RANBP2: variants seen among roughly 807,000 people sequenced by gnomAD.
The protein encoded by RANBP2 is RAN binding protein 2, also known as E3 SUMO-protein ligase RanBP2.
A neutral mutation model predicts 303.6 loss-of-function variants in RANBP2; 57 were observed. The ratio of observed to expected loss-of-function variants is 0.19; its 90% CI spans 0.15 to 0.23. The LOEUF (loss-of-function observed/expected upper bound fraction) is 0.23. Among genes scored for constraint, RANBP2 ranks in the 10% least tolerant of loss-of-function variants. The probability of loss-of-function intolerance (pLI) is 1.00; values close to 1 mark genes in which losing one functional copy is unlikely to be tolerated. For missense variants in RANBP2, 3,138 were observed against 3,780.8 expected (o/e 0.83, Z 4.46); for synonymous variants, 1,167 against 1,301.5 (o/e 0.90, Z 2.23).
At chr2:108,851,951 G>A in the RANBP2 span, among the ~76,000 whole-genome samples, 1 of 152,138 alleles carries the variant, frequency 6.6e-6, no homozygotes, top group Non-Finnish European at 1.5e-5. Context: ...GATACAATCT[G>A]CATTTGACAG....
At chr2:109,135,149 C>A in the RANBP2 span, among the ~76,000 whole-genome samples, 1 of 152,220 alleles carries the variant, frequency 6.6e-6, no homozygotes. Flanking sequence ...GGGTTTCTTC[C>A]CCTTGTACTT....
At chr2:108,888,263 T>G in the RANBP2 span, among the ~76,000 whole-genome samples, 1 of 152,184 alleles carries the variant, frequency 6.6e-6, no homozygotes, top group Non-Finnish European at 1.5e-5. Context: ...GGATTTGGTT[T>G]GCTTGTATTT....
chr2:109,229,413 GA>G, the RANBP2 span, among the ~76,000 whole-genome samples: 9 of 152,122 alleles, frequency 5.9e-5, no homozygotes, highest in African/African-American at 4.8e-5. Context: ...TCTGTCCCAG[GA>G]TCCCATACTG....
chr2:109,490,639 C>A, the RANBP2 span: 9 of 1,492,082 alleles, frequency 6.0e-6, no homozygotes, highest in Non-Finnish European at 8.0e-6. Context: ...AAGCTTCTAG[C>A]CGGAGCATCC....
the RANBP2 span, among the ~76,000 whole-genome samples, chr2:108,831,555 T>A: frequency 1.3e-5 from 2 of 152,222 alleles, no homozygotes; most frequent in South Asian, 4.1e-4. Context: ...GTGTTTGCTG[T>A]GAAGAAACTG....
At chr2:109,404,919 C>T in the RANBP2 span, among the ~76,000 whole-genome samples, 1 of 152,156 alleles carries the variant, frequency 6.6e-6, no homozygotes, top group South Asian at 2.1e-4. Context: ...AACCTGTCCC[C>T]TTTGATCTGT....
At chr2:109,678,547 A>T in the RANBP2 span, among the ~76,000 whole-genome samples, 1 of 152,328 alleles carries the variant, frequency 6.6e-6, no homozygotes, top group East Asian at 1.9e-4. Context: ...CAGAAAGAAC[A>T]TTTGGATTCA....
chr2:109,321,234 C>T, the RANBP2 span, among the ~76,000 whole-genome samples: 2 of 152,214 alleles, frequency 1.3e-5, no homozygotes, highest in South Asian at 2.1e-4. Flanking sequence ...CTTATATCCT[C>T]GGATTCACTT....
At chr2:109,481,486 C>T in the RANBP2 span, among the ~76,000 whole-genome samples, 2 of 152,296 alleles carry the variant, frequency 1.3e-5, no homozygotes, top group Admixed American at 1.3e-4. Context: ...TATTTCAGGA[C>T]TTGGAGAACC....
chr2:108,761,147 C>CA (rs1676705301), intron 18 of RANBP2, among the ~76,000 whole-genome samples: 1 of 148,310 alleles, frequency 6.7e-6, no homozygotes, highest in Admixed American at 6.8e-5. Context: ...TTTTTGCTTT[C>CA]ATGCAGACAG....
the RANBP2 span, among the ~76,000 whole-genome samples, chr2:109,286,941 A>T: frequency 4.6e-5 from 7 of 152,266 alleles, no homozygotes; most frequent in East Asian, 1.4e-3. Context: ...GCATTTGTGG[A>T]CCCTGCCCAG....
the RANBP2 span, chr2:109,593,019 C>CTATTTA: frequency 7.0e-6 from 10 of 1,430,320 alleles, no homozygotes; most frequent in Non-Finnish European, 9.5e-6. Flanking sequence ...ATTTAGAGTA[C>CTATTTA]AATATGGTAT....
the RANBP2 span, among the ~76,000 whole-genome samples, chr2:108,960,921 C>T: frequency 6.6e-6 from 1 of 152,202 alleles, no homozygotes; most frequent in Admixed American, 6.5e-5. Flanking sequence ...GCTGGACATT[C>T]GACTTTATTT....
At chr2:109,238,974 G>T in the RANBP2 span, among the ~76,000 whole-genome samples, 1 of 152,168 alleles carries the variant, frequency 6.6e-6, no homozygotes, top group Non-Finnish European at 1.5e-5. Context: ...TCTGCCTCCA[G>T]TTCTTTCTGT....
chr2:109,357,058 A>G, the RANBP2 span, among the ~76,000 whole-genome samples: 1 of 151,600 alleles, frequency 6.6e-6, no homozygotes, highest in Non-Finnish European at 1.5e-5. Flanking sequence ...TACCTTTTTA[A>G]AATTTTTTTT....
At chr2:108,916,250 A>G in the RANBP2 span, among the ~76,000 whole-genome samples, 40 of 152,232 alleles carry the variant, frequency 2.6e-4, no homozygotes, top group Admixed American at 1.9e-3. Context: ...TGTCAGAGCA[A>G]AAGAACAGCC....
At chr2:108,834,587 A>G in the RANBP2 span, among the ~76,000 whole-genome samples, 3 of 152,208 alleles carry the variant, frequency 2.0e-5, no homozygotes, top group African/African-American at 7.2e-5. Context: ...ATTTTGTTTC[A>G]TTGTGGTAAA....
At chr2:109,315,590 T>G in the RANBP2 span, among the ~76,000 whole-genome samples, 1 of 152,374 alleles carries the variant, frequency 6.6e-6, no homozygotes, top group South Asian at 2.1e-4. Context: ...TGTGCAGAAC[T>G]TTCAGAAACT....
the RANBP2 span, among the ~76,000 whole-genome samples, chr2:109,081,825 A>G: frequency 6.6e-6 from 1 of 152,200 alleles, no homozygotes; most frequent in African/African-American, 2.4e-5. Flanking sequence ...TTGCAGAAAC[A>G]CATCCTTGCT....
Sources: allele counts gnomAD v4.1 joint callset (sites outside exome capture counted in the v4.1 genomes callset), GRCh38; gene constraint gnomAD v4.1.1; transcripts MANE v1.5; gene names NCBI Gene and HGNC (gene_info 2026-07-23, HGNC 2026-07-21).